The following FHIT variants were observed in gnomAD, a reference collection of about 807,000 sequenced individuals.
FHIT encodes the protein bis(5'-adenosyl)-triphosphatase.
Under a neutral mutation model 17.9 loss-of-function variants are expected in FHIT, and 19 were observed. That is an observed-to-expected ratio of 1.06 (90% CI 0.74 to 1.56). The LOEUF (loss-of-function observed/expected upper bound fraction) is 1.56, where lower values mean the gene tolerates loss of function less well. Ranked by LOEUF, FHIT falls within the 40% of genes most tolerant of loss-of-function variation. The pLI is 0.00. For missense variants in FHIT, 248 were observed against 189.2 expected, an observed-to-expected ratio of 1.31 and a Z score of -1.82; for synonymous variants, 81 against 69.7, an observed-to-expected ratio of 1.16 and a Z score of -0.81.
intron 5 of FHIT, among the ~76,000 whole-genome samples, chr3:60,189,317 C>T (rs384530): frequency 0.71 from 108,571 of 152,012 alleles, 39,034 homozygotes; most frequent in East Asian, 0.93. Context: ...ATTATTCATC[C>T]TATTTTAAAA....
intron 5 of FHIT, among the ~76,000 whole-genome samples, chr3:60,375,216 T>A (rs539873863): frequency 6.6e-6 from 1 of 152,248 alleles, no homozygotes; most frequent in East Asian, 1.9e-4. Flanking sequence ...AGGAACATCT[T>A]AATGTAACAT....
intron 4 of FHIT, among the ~76,000 whole-genome samples, chr3:60,782,274 T>A (rs1008554006): frequency 1.3e-5 from 2 of 150,556 alleles, no homozygotes; most frequent in Non-Finnish European, 3.0e-5. Context: ...TTTATCCATT[T>A]CATCTCACAC....
intron 3 of FHIT, among the ~76,000 whole-genome samples, chr3:60,901,677 A>T (rs1007058467): frequency 2.0e-5 from 3 of 152,162 alleles, no homozygotes; most frequent in Admixed American, 6.5e-5. Flanking sequence ...TCTTTGAAAG[A>T]TTGTCTCTAC....
At chr3:60,510,353 A>C (rs538818501) in intron 5 of FHIT, among the ~76,000 whole-genome samples, 1 of 152,212 alleles carries the variant, frequency 6.6e-6, no homozygotes, top group African/African-American at 2.4e-5. Context: ...TTAAGTTTCT[A>C]TAAGAGTTTA....
chr3:60,948,373 G>T (rs1357893783), intron 3 of FHIT, among the ~76,000 whole-genome samples: 6 of 152,166 alleles, frequency 3.9e-5, no homozygotes, highest in African/African-American at 1.4e-4. Flanking sequence ...CTACTATAAT[G>T]AATTTCATAA....
At chr3:60,438,271 T>A (rs1463714152) in intron 5 of FHIT, among the ~76,000 whole-genome samples, 1 of 151,558 alleles carries the variant, frequency 6.6e-6, no homozygotes, top group African/African-American at 2.4e-5. Context: ...CACCGATGGG[T>A]GGAGATTTAA....
intron 3 of FHIT, among the ~76,000 whole-genome samples, chr3:60,823,285 T>C (rs1431617710): frequency 2.0e-5 from 3 of 152,048 alleles, no homozygotes; most frequent in African/African-American, 7.2e-5. Context: ...GTACTATGGG[T>C]TGAATTCTGT....
intron 2 of FHIT, among the ~76,000 whole-genome samples, chr3:61,054,621 T>A (rs936638901): frequency 6.6e-6 from 1 of 152,238 alleles, no homozygotes; most frequent in African/African-American, 2.4e-5. Flanking sequence ...ACTATTCTAC[T>A]AGAGAGGTTC....
At chr3:60,020,039 T>A (rs1700495403) in intron 5 of FHIT, among the ~76,000 whole-genome samples, 1 of 152,130 alleles carries the variant, frequency 6.6e-6, no homozygotes, top group Admixed American at 6.6e-5. Flanking sequence ...GCACGCGACA[T>A]GAGATGCATG....
In FHIT at chr3:61,250,446, G is replaced by C. The variant is rs544704898; in HGVS notation, c.-213+855C>G. On this transcript the variant is annotated intron_variant, in intron 1 of 9. Coordinates refer to ENST00000492590, the MANE Select transcript of FHIT (RefSeq NM_002012.4). ...TAATAATAGCAGTAAATCTGCAAGT[G>C]GTAAACTTTCACAAGCATAACCTCA... Among the ~76,000 whole-genome samples, 21 of 152,336 alleles carry C rather than the reference G, an allele frequency of 1.4e-4. No individual in the cohort carries two copies. The East Asian group carries it at 2.5e-3, about 18-fold the overall frequency.
chr3:61,022,669 G>A (rs1022040902), intron 3 of FHIT, among the ~76,000 whole-genome samples: 1 of 152,152 alleles, frequency 6.6e-6, no homozygotes, highest in Non-Finnish European at 1.5e-5. Context: ...CTTAATCCCT[G>A]GGATGCAAGG....
At chr3:61,204,900 T>C (rs1419156090) in intron 1 of FHIT, among the ~76,000 whole-genome samples, 1 of 152,138 alleles carries the variant, frequency 6.6e-6, no homozygotes, top group Non-Finnish European at 1.5e-5. Flanking sequence ...TGTATACATG[T>C]GCCATGTTGG....
intron 4 of FHIT, among the ~76,000 whole-genome samples, chr3:60,813,527 T>C (rs1701636389): frequency 6.6e-6 from 1 of 152,112 alleles, no homozygotes; most frequent in Non-Finnish European, 1.5e-5. Flanking sequence ...CTTAAACATA[T>C]ACAACGCATT....
chr3:60,168,720 T>C (rs1373289937), intron 5 of FHIT, among the ~76,000 whole-genome samples: 5 of 152,254 alleles, frequency 3.3e-5, no homozygotes, highest in Non-Finnish European at 7.3e-5. Flanking sequence ...AGCTTTTTCA[T>C]GTCAGGCGAT....
chr3:60,213,509 C>T (rs557729332), intron 5 of FHIT, among the ~76,000 whole-genome samples: 1 of 152,208 alleles, frequency 6.6e-6, no homozygotes, highest in Non-Finnish European at 1.5e-5. Context: ...CTACACTGGC[C>T]ATTTCCACCA....
chr3:60,886,979 C>G (rs1327096338), intron 3 of FHIT, among the ~76,000 whole-genome samples: 5 of 152,200 alleles, frequency 3.3e-5, no homozygotes, highest in Non-Finnish European at 1.5e-5. Flanking sequence ...TATAATCTCA[C>G]AGCAAACTTC....
At chr3:59,758,540 C>A (rs565365040) in intron 8 of FHIT, among the ~76,000 whole-genome samples, 1 of 152,162 alleles carries the variant, frequency 6.6e-6, no homozygotes, top group Non-Finnish European at 1.5e-5. Flanking sequence ...ATCTTTCAGT[C>A]CCTCTGACTG....
chr3:60,606,925 GTC>G (rs2038626978), intron 4 of FHIT, among the ~76,000 whole-genome samples: 1 of 152,018 alleles, frequency 6.6e-6, no homozygotes, highest in African/African-American at 2.4e-5. Flanking sequence ...ATTAACCTCA[GTC>G]TCTGTTACCT....
chr3:60,385,982 A>T (rs1181117590), intron 5 of FHIT, among the ~76,000 whole-genome samples: 1 of 151,942 alleles, frequency 6.6e-6, no homozygotes, highest in African/African-American at 2.4e-5. Flanking sequence ...GAAATAACGA[A>T]CTCTTTAGAG....
Sources: gnomAD v4.1 joint callset for allele counts (sites outside exome capture counted in the v4.1 genomes callset) on GRCh38, gnomAD v4.1.1 for gene constraint, MANE v1.5 for transcripts, NCBI Gene and HGNC (gene_info 2026-07-23, HGNC 2026-07-21) for gene names.